Variants in GRIA3 observed in about 807,000 individuals in gnomAD.
GRIA3 encodes glutamate receptor 3.
A neutral mutation model predicts 63.0 loss-of-function variants in GRIA3; 3 were observed. The observed-to-expected ratio is 0.05, with a 90% CI of 0.02 to 0.12. GRIA3 has a LOEUF of 0.12. GRIA3 is among the 10% of genes least tolerant of loss of function. GRIA3 has a pLI of 1.00. For missense variants in GRIA3, 347 were observed against 700.9 expected (o/e 0.50, Z 5.70); for synonymous variants, 274 against 257.9 (o/e 1.06, Z -0.60).
chrX:123,252,180 C>T (rs1367817707), intron 2 of GRIA3, among the ~76,000 whole-genome samples: 1 of 112,037 alleles, frequency 8.9e-6, no homozygotes, highest in Non-Finnish European at 1.9e-5. Flanking sequence ...TGCATCTAAT[C>T]AGACATTAAT....
At chrX:123,354,825 CA>C in intron 4 of GRIA3, 84 bp from the exon 5 acceptor site, 2 of 671,934 alleles carry the variant, frequency 3.0e-6, no homozygotes, top group Non-Finnish European at 5.0e-6. Context: ...AAAGCTCTAA[CA>C]TTTTGTTCTA....
intron 5 of GRIA3, among the ~76,000 whole-genome samples, chrX:123,385,374 G>A (rs780489114): frequency 1.4e-4 from 16 of 111,615 alleles, no homozygotes; most frequent in Admixed American, 3.8e-4. Flanking sequence ...ATATCATGCC[G>A]TTTTGGTTAC....
chrX:123,232,708 C>A (rs899714267), intron 2 of GRIA3, among the ~76,000 whole-genome samples: 9 of 110,849 alleles, frequency 8.1e-5, no homozygotes, highest in African/African-American at 2.6e-4. Flanking sequence ...CTACTATGTA[C>A]CCACAAAAAT....
intron 4 of GRIA3, among the ~76,000 whole-genome samples, chrX:123,340,814 A>G (rs1341639299): frequency 1.8e-5 from 2 of 111,654 alleles, no homozygotes; most frequent in African/African-American, 6.5e-5. Flanking sequence ...AGAAATGACT[A>G]TTCACCCTAT....
At chrX:123,277,318 T>A (rs2147297585) in intron 3 of GRIA3, among the ~76,000 whole-genome samples, 1 of 111,723 alleles carries the variant, frequency 9.0e-6, no homozygotes, top group East Asian at 2.8e-4. Flanking sequence ...TATTATTGAC[T>A]ATAGTTGCCC....
chrX:123,358,959 TATA>T (rs2045151310), intron 5 of GRIA3, among the ~76,000 whole-genome samples: 1 of 111,141 alleles, frequency 9.0e-6, no homozygotes, highest in South Asian at 3.9e-4. Flanking sequence ...GGCAGTGTGG[TATA>T]ATAATAATAA....
At chrX:123,406,354 T>A (rs682478) in intron 10 of GRIA3, among the ~76,000 whole-genome samples, 1 of 110,820 alleles carries the variant, frequency 9.0e-6, no homozygotes, top group Admixed American at 9.6e-5. Context: ...ACTGAGAAGC[T>A]CCAGCTGGCA....
At chrX:123,296,161 C>T (rs904245558) in intron 3 of GRIA3, among the ~76,000 whole-genome samples, 2 of 111,118 alleles carry the variant, frequency 1.8e-5, no homozygotes, top group Non-Finnish European at 3.8e-5. Flanking sequence ...AACACTGGTA[C>T]AATTAACTCT....
chrX:123,387,901 G>C (rs891340069), intron 5 of GRIA3, among the ~76,000 whole-genome samples: 1 of 111,542 alleles, frequency 9.0e-6, no homozygotes, highest in Admixed American at 9.4e-5. Context: ...TGTTGTTGTT[G>C]CATCCTTGTC....
chrX:123,342,086 G>T (rs1267694028), intron 4 of GRIA3, among the ~76,000 whole-genome samples: 1 of 111,339 alleles, frequency 9.0e-6, no homozygotes, highest in East Asian at 2.8e-4. Context: ...TAAAGACCTA[G>T]ACCTATTTTA....
At chrX:123,478,419 C>T (rs2045896576) in intron 13 of GRIA3, among the ~76,000 whole-genome samples, 2 of 112,102 alleles carry the variant, frequency 1.8e-5, no homozygotes, top group South Asian at 7.5e-4. Flanking sequence ...ATCTCAATTT[C>T]CTAGTGAGAT....
chrX:123,425,238 T>C (rs1370355611), intron 11 of GRIA3, among the ~76,000 whole-genome samples: 2 of 111,928 alleles, frequency 1.8e-5, no homozygotes, highest in African/African-American at 3.2e-5. Context: ...TGGGTATTTC[T>C]CTCCTAGTGT....
chrX:123,411,427 C>A (rs1337564597), intron 10 of GRIA3, among the ~76,000 whole-genome samples: 1 of 111,832 alleles, frequency 8.9e-6, no homozygotes, highest in Non-Finnish European at 1.9e-5. Flanking sequence ...GATGAAAATT[C>A]TTAAAGATAT....
intron 4 of GRIA3, among the ~76,000 whole-genome samples, chrX:123,338,737 A>C (rs758942339): frequency 9.0e-6 from 1 of 111,105 alleles, no homozygotes; most frequent in African/African-American, 3.3e-5. Flanking sequence ...TTTTTAGTAG[A>C]GACGGGGTTT....
At chrX:123,256,504 G>A (rs1157110707) in intron 3 of GRIA3, among the ~76,000 whole-genome samples, 2 of 111,430 alleles carry the variant, frequency 1.8e-5, no homozygotes, top group Admixed American at 9.5e-5. Context: ...GAAGAGTAGA[G>A]GGAAATAGTT....
rs61740996 is a variant in GRIA3 at position 123,184,550 on chromosome X, G to A, written c.15G>A (p.Lys5=). Residue 5 remains lysine, a synonymous_variant, in exon 1 of 16, where the codon AAG becomes AAA. Coordinates refer to ENST00000620443, the MANE Select transcript of GRIA3 (RefSeq NM_007325.5). Reference sequence around the variant, plus strand: ...TTAGGCGTAGCATGGCCAGGCAGAAGAAAATGGGGCAAAGCGTGCTCCGGG... The same window carrying A: ...TTAGGCGTAGCATGGCCAGGCAGAAAAAAATGGGGCAAAGCGTGCTCCGGG... MARQ[K]KMGQSVLRAV... 2,317 of 1,206,984 alleles carry A rather than the reference G, an allele frequency of 1.9e-3. 31 individuals carry two copies. In the African/African-American group the frequency reaches 0.034, roughly 18 times the overall value.
intron 15 of GRIA3, among the ~76,000 whole-genome samples, chrX:123,486,549 C>T (rs996168551): frequency 1.8e-5 from 2 of 112,208 alleles, no homozygotes; most frequent in East Asian, 2.8e-4. Context: ...AAGCCTCATA[C>T]GACGCCAGGA....
chrX:123,227,767 T>C (rs1766313068), intron 2 of GRIA3, among the ~76,000 whole-genome samples: 1 of 112,316 alleles, frequency 8.9e-6, no homozygotes. Context: ...TCTCTTGTCT[T>C]AGGTTGAGTT....
At chrX:123,394,339 C>T (rs1057314243) in intron 5 of GRIA3, among the ~76,000 whole-genome samples, 4 of 110,692 alleles carry the variant, frequency 3.6e-5, no homozygotes, top group Non-Finnish European at 7.6e-5. Context: ...TGCACTCCAG[C>T]CTGGGCGACA....
Sources: allele counts gnomAD v4.1 joint callset (sites outside exome capture counted in the v4.1 genomes callset), GRCh38; gene constraint gnomAD v4.1.1; transcripts MANE v1.5; gene names NCBI Gene and HGNC (gene_info 2026-07-23, HGNC 2026-07-21).